The following CHLSN variants were observed in gnomAD, a reference collection of about 807,000 sequenced individuals.
The protein encoded by CHLSN is protein cholesin.
chr7:998,822 G>A, the CHLSN span, among the ~76,000 whole-genome samples: 2 of 152,190 alleles, frequency 1.3e-5, no homozygotes, highest in East Asian at 3.8e-4. Flanking sequence ...TCACATTTAA[G>A]AAACTGTTGC....
At chr7:1,092,442 C>T in the CHLSN span, 1 of 1,608,344 alleles carries the variant, frequency 6.2e-7, no homozygotes. Flanking sequence ...CCCTCATTGT[C>T]CGGGTGCTGG....
chr7:1,098,139 C>A, the CHLSN span, among the ~76,000 whole-genome samples: 3 of 152,214 alleles, frequency 2.0e-5, no homozygotes, highest in Admixed American at 6.5e-5. Flanking sequence ...GAAGCCCACA[C>A]TGGAGTGTGC....
At chr7:1,136,719 T>A in the CHLSN span, among the ~76,000 whole-genome samples, 2 of 150,864 alleles carry the variant, frequency 1.3e-5, no homozygotes, top group Non-Finnish European at 2.9e-5. Context: ...CATCTACACA[T>A]ATATCATCTC....
the CHLSN span, among the ~76,000 whole-genome samples, chr7:1,006,591 G>T: frequency 8.0e-6 from 1 of 124,584 alleles, no homozygotes; most frequent in East Asian, 2.3e-4. Flanking sequence ...CGCAGGGAAA[G>T]AGCGCACGAC....
the CHLSN span, among the ~76,000 whole-genome samples, chr7:1,050,511 C>T: frequency 5.3e-5 from 8 of 152,254 alleles, no homozygotes; most frequent in South Asian, 2.1e-4. Context: ...GCCCCAGCTT[C>T]TCCAAGTCCT....
the CHLSN span, among the ~76,000 whole-genome samples, chr7:1,016,949 C>CAGCACA: frequency 8.6e-6 from 1 of 115,990 alleles, no homozygotes; most frequent in African/African-American, 3.5e-5. Context: ...CCAGCACACG[C>CAGCACA]CAGCGCACAG....
chr7:1,055,287 G>A, the CHLSN span: 1 of 471,224 alleles, frequency 2.1e-6, no homozygotes, highest in Non-Finnish European at 4.4e-6. Flanking sequence ...AGGAAAACAA[G>A]TGCTTGCATC....
the CHLSN span, among the ~76,000 whole-genome samples, chr7:1,116,587 AC>A: frequency 2.5e-5 from 2 of 81,416 alleles, no homozygotes; most frequent in South Asian, 5.0e-4. Context: ...CTACAGTTCT[AC>A]GGACCGGCTT....
At chr7:1,111,392 T>C in the CHLSN span, among the ~76,000 whole-genome samples, 28 of 152,286 alleles carry the variant, frequency 1.8e-4, no homozygotes, top group Admixed American at 7.8e-4. Context: ...AAGTGCAACT[T>C]TAAGGGAAAG....
At chr7:1,124,072 C>T in the CHLSN span, among the ~76,000 whole-genome samples, 1 of 152,228 alleles carries the variant, frequency 6.6e-6, no homozygotes, top group Non-Finnish European at 1.5e-5. Context: ...AGAGTCCAGC[C>T]CTCAAAGCGT....
the CHLSN span, chr7:983,309 C>T: frequency 9.5e-5 from 147 of 1,541,264 alleles, 1 homozygote; most frequent in South Asian, 1.2e-3. Context: ...CGGTGGCCCC[C>T]GGGGCCTCGC....
chr7:1,035,570 G>A, the CHLSN span, among the ~76,000 whole-genome samples: 28 of 152,178 alleles, frequency 1.8e-4, no homozygotes, highest in Non-Finnish European at 2.8e-4. Flanking sequence ...GTGAGGGAGC[G>A]CCCATGAAAA....
the CHLSN span, among the ~76,000 whole-genome samples, chr7:998,050 T>C: frequency 6.6e-6 from 1 of 152,200 alleles, no homozygotes; most frequent in Admixed American, 6.5e-5. Context: ...GGAGAACATT[T>C]CACAAACATC....
At chr7:1,016,079 G>A in the CHLSN span, among the ~76,000 whole-genome samples, 1 of 131,040 alleles carries the variant, frequency 7.6e-6, no homozygotes, top group Non-Finnish European at 1.6e-5. Context: ...GCGCACAGCA[G>A]CACACAGCAG....
chr7:1,118,234 C>G, the CHLSN span, among the ~76,000 whole-genome samples: 8 of 152,226 alleles, frequency 5.3e-5, no homozygotes, highest in Non-Finnish European at 1.2e-4. Flanking sequence ...TCATACAACA[C>G]TGGCTCAAAA....
the CHLSN span, among the ~76,000 whole-genome samples, chr7:1,049,120 G>A: frequency 6.6e-6 from 1 of 152,200 alleles, no homozygotes; most frequent in South Asian, 2.1e-4. Flanking sequence ...GGTGCGTCCT[G>A]GGGGCTGCCT....
the CHLSN span, among the ~76,000 whole-genome samples, chr7:1,009,348 G>A: frequency 2.6e-5 from 4 of 152,298 alleles, no homozygotes; most frequent in Admixed American, 6.5e-5. Flanking sequence ...GGACAGGAAC[G>A]GGCAGCAGCC....
chr7:983,890 G>A, the CHLSN span, among the ~76,000 whole-genome samples: 5 of 152,242 alleles, frequency 3.3e-5, no homozygotes, highest in African/African-American at 1.2e-4. Flanking sequence ...GGGGCAGCCT[G>A]ACTAGCACTG....
chr7:1,113,934 A>G, the CHLSN span, among the ~76,000 whole-genome samples: 2 of 152,326 alleles, frequency 1.3e-5, no homozygotes, highest in African/African-American at 4.8e-5. Context: ...GCGAATGGAG[A>G]GGCCCGAGCT....
Sources: gnomAD v4.1 joint callset for allele counts (sites outside exome capture counted in the v4.1 genomes callset) on GRCh38, gnomAD v4.1.1 for gene constraint, MANE v1.5 for transcripts, NCBI Gene and HGNC (gene_info 2026-07-23, HGNC 2026-07-21) for gene names.